The following EXTL3 variants were observed in gnomAD, a reference collection of about 807,000 sequenced individuals.
EXTL3 encodes the protein exostosin like glycosyltransferase 3, also known as exostosin-like 3.
Under a neutral mutation model 69.3 loss-of-function variants are expected in EXTL3, and 27 were observed. That is an observed-to-expected ratio of 0.39 (90% CI 0.29 to 0.54). EXTL3 has a LOEUF of 0.54. Among genes scored for constraint, EXTL3 ranks in the 20% least tolerant of loss-of-function variants. The probability of loss-of-function intolerance (pLI) is 0.69; values close to 1 mark genes in which losing one functional copy is unlikely to be tolerated. For synonymous variants in EXTL3, 511 were observed against 499.4 expected, an observed-to-expected ratio of 1.02 and a Z score of -0.31; for missense variants, 1,003 against 1,231.8, an observed-to-expected ratio of 0.81 and a Z score of 2.78.
chr8:28,689,643 A>C (rs1411319194), intron 1 of EXTL3, among the ~76,000 whole-genome samples: 1 of 152,246 alleles, frequency 6.6e-6, no homozygotes, highest in Non-Finnish European at 1.5e-5. Flanking sequence ...CAAAGAGTTC[A>C]TATCTGTTGT....
chr8:28,709,301 CATACAGTAAGCATTCA>C lies in EXTL3; in HGVS notation c.-569-4151_-569-4136del, dbSNP rs544115512. On this transcript the variant is annotated intron_variant, in intron 1 of 6. Transcript: ENST00000220562. ...ATATATGGTAATAGGTTTAACCCGG[CATACAGTAAGCATTCA>C]ATACCTGTTAGCTATTATCATAATT... is the stretch of plus-strand genomic sequence containing the variant. 6.7e-3 allele frequency among the ~76,000 whole-genome samples: 1,018 copies of C among 152,256 alleles called. 16 individuals are homozygous for C. The highest frequency in any genetic ancestry group is 0.023 in the African/African-American group (970 of 41,540).
intron 1 of EXTL3, among the ~76,000 whole-genome samples, chr8:28,675,095 G>A (rs569825126): frequency 1.3e-5 from 2 of 152,170 alleles, no homozygotes; most frequent in Non-Finnish European, 2.9e-5. Flanking sequence ...TTCAGGGAAT[G>A]TGTATGGGAA....
At position 28,717,541 on chromosome 8, in the gene EXTL3, T is replaced by C. The variant is rs777711529; in HGVS notation, c.1482T>C (p.His494=). Residue 494 remains histidine (H), a synonymous_variant, in exon 3 of 7, where the codon CAT becomes CAC. Transcript: ENST00000220562. This position sits in a 1 kb window ranked among gnomAD's most constrained non-coding sequence, Gnocchi z 8.3. ...VVPKPRVTEV[H]FLLRSLSDSD... is the part of the protein sequence containing the mutation. The stretch of plus-strand genomic sequence containing the variant: ...CAAAGCCTCGTGTTACCGAGGTTCA[T>C]TTCCTGCTCAGAAGCCTCTCCGATA... 18 of 1,614,110 alleles carry C rather than the reference T, an allele frequency of 1.1e-5. No homozygotes were observed. Among genetic ancestry groups the C allele is most frequent in the Non-Finnish European group, 2.5e-6 (3 of 1,180,030 alleles).
At chr8:28,713,156 A>G (rs1801066049) in intron 1 of EXTL3, among the ~76,000 whole-genome samples, 1 of 152,194 alleles carries the variant, frequency 6.6e-6, no homozygotes, top group Non-Finnish European at 1.5e-5. Flanking sequence ...ACTTTTCCAT[A>G]TTTTAGTGTT....
intron 3 of EXTL3, among the ~76,000 whole-genome samples, chr8:28,726,731 T>C (rs1801420964): frequency 6.6e-6 from 1 of 152,112 alleles, no homozygotes; most frequent in Admixed American, 6.5e-5. Flanking sequence ...TTGCCACATG[T>C]AGCCCGAGGC....
chr8:28,737,557 C>G lies in EXTL3; in HGVS notation c.2315C>G (p.Pro772Arg), dbSNP rs1198890219. 6.2e-7 allele frequency: 1 copy of G among 1,613,946 alleles called. No homozygotes were observed. The highest frequency in any genetic ancestry group is 1.3e-5 in the African/African-American group (1 of 74,926). Residue 772 changes from proline (P) to arginine (R), a missense_variant, in exon 5 of 7, where the codon CCT (proline) becomes CGT (arginine). Physicochemically the swap from Pro to Arg is moderately radical, Grantham distance 103 (BLOSUM62 -2). This residue lies in a region of EXTL3 where 261 missense variants were observed against 416.4 expected (regional missense o/e 0.63). Transcript: ENST00000220562. The stretch of plus-strand genomic sequence containing the variant: ...GCTCGGGACCGCATCGTGGGCTTCC[C>G]TGGCCGTTACCACGCATGGGACATC... ...REARDRIVGF[P>R]GRYHAWDIPH...
intron 3 of EXTL3, among the ~76,000 whole-genome samples, chr8:28,726,130 A>G (rs971926186): frequency 2.0e-5 from 3 of 151,746 alleles, no homozygotes; most frequent in African/African-American, 4.8e-5. Context: ...TAATTTTTGT[A>G]TTTTTAGTAA....
At chr8:28,617,654 C>A (rs1437597003) in intron 2 of EXTL3, among the ~76,000 whole-genome samples, 1 of 152,124 alleles carries the variant, frequency 6.6e-6, no homozygotes, top group African/African-American at 2.4e-5. Flanking sequence ...TGTGATGGCA[C>A]ATGCCTGTAG....
intron 1 of EXTL3, among the ~76,000 whole-genome samples, chr8:28,640,090 ACT>A (rs771057390): frequency 6.6e-6 from 1 of 151,822 alleles, no homozygotes; most frequent in Non-Finnish European, 1.5e-5. Context: ...ACACAGTAAG[ACT>A]CTGTCTCAAA....
At chr8:28,646,798 A>G (rs1182685171) in intron 1 of EXTL3, among the ~76,000 whole-genome samples, 1 of 152,226 alleles carries the variant, frequency 6.6e-6, no homozygotes, top group Non-Finnish European at 1.5e-5. Flanking sequence ...CATTTGTAAA[A>G]TGAATAGTAT....
intron 1 of EXTL3, among the ~76,000 whole-genome samples, chr8:28,706,763 C>T (rs944932530): frequency 1.3e-5 from 2 of 151,892 alleles, no homozygotes; most frequent in Admixed American, 6.6e-5. Flanking sequence ...TATTTATGTC[C>T]GTTGACCACT....
intron 1 of EXTL3, among the ~76,000 whole-genome samples, chr8:28,636,939 G>A (rs1358192067): frequency 1.4e-5 from 2 of 146,288 alleles, no homozygotes; most frequent in African/African-American, 5.0e-5. Context: ...CTGAGATCCC[G>A]CCATTGCACT....
chr8:28,611,274 G>A (rs1230045975), intron 2 of EXTL3, among the ~76,000 whole-genome samples: 2 of 152,138 alleles, frequency 1.3e-5, no homozygotes, highest in Non-Finnish European at 2.9e-5. Context: ...AATATAGTGA[G>A]ACCTCATCTT....
chr8:28,660,574 A>C (rs911301578), intron 1 of EXTL3, among the ~76,000 whole-genome samples: 5 of 152,062 alleles, frequency 3.3e-5, no homozygotes, highest in African/African-American at 1.2e-4. Flanking sequence ...CATCTTAATC[A>C]CTTTTAAGTG....
chr8:28,718,029 A>G lies in EXTL3; in HGVS notation c.1970A>G (p.Asn657Ser), dbSNP rs770842408. 83 of 1,613,492 alleles carry G rather than the reference A, an allele frequency of 5.1e-5. No individual in the cohort carries two copies. Among genetic ancestry groups the G allele is most frequent in the Middle Eastern group, 3.3e-4 (2 of 6,084 alleles). ...GAATTTCAGGCAGCGCTTGGAGGCA[A>G]TGTTCCCCGAGAGCAGTTCACGGTG... ...GKEFQAALGG[N>S]VPREQFTVVM... Residue 657 changes from asparagine (N) to serine (S), a missense_variant, in exon 3 of 7, where the codon AAT (asparagine) becomes AGT (serine). By Grantham distance (46) the Asn-to-Ser change is conservative. This residue lies in a region of EXTL3 where 261 missense variants were observed against 416.4 expected (regional missense o/e 0.63). Transcript: ENST00000220562.
chr8:28,731,453 T>C, intron 4 of EXTL3, 103 bp downstream of exon 4: 1 of 1,244,396 alleles, frequency 8.0e-7, no homozygotes, highest in Non-Finnish European at 1.2e-6. Flanking sequence ...GAGAACCCCT[T>C]GCAGATAGTC....
At position 28,634,370 on chromosome 8, in the gene EXTL3, C is replaced by T. The variant is rs572830136; in HGVS notation, c.-53+11560C>T. Among the ~76,000 whole-genome samples the T allele has an allele frequency of 1.3e-3, 201 of 152,228 alleles. 1 individual carries two copies. Among genetic ancestry groups the T allele is most frequent in the Middle Eastern group, 6.8e-3 (2 of 294 alleles). ...TCCCCTCCTGATCGCTCCCTACCCC[C>T]GGCTCTACTCAGGCCGTGCAGCTCG... On this transcript the variant is annotated intron_variant, in intron 1 of 6. Coordinates refer to the EXTL3 transcript ENST00000523149.
At chr8:28,624,207 A>G (rs1224968561) in intron 1 of EXTL3, among the ~76,000 whole-genome samples, 1 of 152,218 alleles carries the variant, frequency 6.6e-6, no homozygotes, top group Non-Finnish European at 1.5e-5. Context: ...TCTTTTTCAA[A>G]ATGTGAAATT....
chr8:28,637,689 C>G (rs1806678772), intron 1 of EXTL3, among the ~76,000 whole-genome samples: 1 of 151,980 alleles, frequency 6.6e-6, no homozygotes, highest in Admixed American at 6.6e-5. Flanking sequence ...TCTCCTTCCT[C>G]CCTTCTCTAG....
Sources: allele counts gnomAD v4.1 joint callset (sites outside exome capture counted in the v4.1 genomes callset), GRCh38; gene constraint gnomAD v4.1.1; regional missense constraint gnomAD v4.1.1; non-coding constraint Gnocchi (gnomAD v3.1); transcripts MANE v1.5; gene names NCBI Gene and HGNC (gene_info 2026-07-23, HGNC 2026-07-21).